NSUN6: variants seen among roughly 807,000 people sequenced by gnomAD.
NSUN6 encodes tRNA (cytosine(72)-C(5))-methyltransferase NSUN6.
Under a neutral mutation model 58.0 loss-of-function variants are expected in NSUN6, and 64 were observed. The observed-to-expected ratio is 1.10, with a 90% confidence interval of 0.90 to 1.36. The LOEUF (loss-of-function observed/expected upper bound fraction) is 1.36. NSUN6 is among the 40% of genes most tolerant of loss of function. The probability of loss-of-function intolerance (pLI) is 0.00; values close to 1 mark genes in which losing one functional copy is unlikely to be tolerated. For synonymous variants in NSUN6, 231 were observed against 193.9 expected (o/e 1.19, Z -1.59); for missense variants, 701 against 550.1 (o/e 1.27, Z -2.74).
intron 1 of NSUN6, among the ~76,000 whole-genome samples, chr10:18,649,783 C>T (rs901391451): frequency 6.6e-6 from 1 of 152,180 alleles, no homozygotes; most frequent in Non-Finnish European, 1.5e-5. Context: ...TATAAAACGA[C>T]GTTCTCCATT....
chr10:18,577,931 G>T (rs969743225), intron 8 of NSUN6, among the ~76,000 whole-genome samples: 14 of 152,292 alleles, frequency 9.2e-5, no homozygotes, highest in Admixed American at 9.2e-4. Flanking sequence ...ACAGCAGCAG[G>T]AGCCATACGC....
At chr10:18,601,627 G>C (rs933711076) in intron 6 of NSUN6, among the ~76,000 whole-genome samples, 1 of 152,126 alleles carries the variant, frequency 6.6e-6, no homozygotes, top group Non-Finnish European at 1.5e-5. Flanking sequence ...TTGGGGTTTG[G>C]GGTGAAGAAA....
At chr10:18,619,317 A>T (rs1472503832) in intron 3 of NSUN6, among the ~76,000 whole-genome samples, 2 of 152,210 alleles carry the variant, frequency 1.3e-5, no homozygotes, top group Non-Finnish European at 2.9e-5. Context: ...GACGGAGGGA[A>T]CTTACGGCTG....
At chr10:18,564,531 CCCATTCCATTGTCCATT>C (rs574207918) in intron 8 of NSUN6, among the ~76,000 whole-genome samples, 154 of 149,540 alleles carry the variant, frequency 1.0e-3, no homozygotes, top group African/African-American at 3.6e-3. Flanking sequence ...CATTCCATTC[CCCATTCCATTGTCCATT>C]CCATTCCATT....
chr10:18,578,568 T>A (rs186560709), intron 8 of NSUN6, among the ~76,000 whole-genome samples: 168 of 152,304 alleles, frequency 1.1e-3, no homozygotes, highest in African/African-American at 3.9e-3. Context: ...GGGCTCTCCG[T>A]TGCTTACAGC....
chr10:18,624,427 G>C (rs1564817165), intron 3 of NSUN6, among the ~76,000 whole-genome samples: 1 of 151,872 alleles, frequency 6.6e-6, no homozygotes, highest in Admixed American at 6.6e-5. Flanking sequence ...TATAATCCCA[G>C]CACTTTGGGA....
intron 7 of NSUN6, among the ~76,000 whole-genome samples, chr10:18,593,499 C>T (rs1301764831): frequency 2.6e-5 from 4 of 152,100 alleles, no homozygotes; most frequent in African/African-American, 9.7e-5. Flanking sequence ...AAATGTGGCA[C>T]ATAGACACCA....
At chr10:18,658,248 T>A (rs189468302), upstream of NSUN6, 1 of 152,366 alleles carries the variant, frequency 6.6e-6, no homozygotes, top group East Asian at 1.9e-4. Context: ...GAGCATATTA[T>A]CCTGCATCTA....
At chr10:18,556,296 C>T (rs201253621) in intron 8 of NSUN6, among the ~76,000 whole-genome samples, 1 of 74,584 alleles carries the variant, frequency 1.3e-5, no homozygotes, top group Non-Finnish European at 2.9e-5. Context: ...GAATGGAATG[C>T]ACAGTGGAAT....
intron 3 of NSUN6, among the ~76,000 whole-genome samples, chr10:18,641,834 T>TA (rs2059399440): frequency 6.6e-6 from 1 of 152,106 alleles, no homozygotes; most frequent in Non-Finnish European, 1.5e-5. Flanking sequence ...TTTGAGAGGC[T>TA]AAGGTGGGAG....
intron 8 of NSUN6, among the ~76,000 whole-genome samples, chr10:18,556,300 G>GTGGAATGCAATGGAGAA (rs1179171287): frequency 7.2e-5 from 5 of 69,290 alleles, no homozygotes; most frequent in African/African-American, 9.9e-5. Flanking sequence ...GGAATGCACA[G>GTGGAATGCAATGGAGAA]TGGAATGCAA....
intron 8 of NSUN6, among the ~76,000 whole-genome samples, chr10:18,562,673 TGGAATGGAATGCAGAATAGAGAAC>T (rs1172663797): frequency 7.2e-6 from 1 of 139,572 alleles, no homozygotes; most frequent in East Asian, 2.2e-4. Context: ...GGAAGGAGAA[TGGAATGGAATGCAGAATAGAGAAC>T]GGAATGGAAT....
chr10:18,615,957 A>T (rs1379979311), intron 4 of NSUN6, among the ~76,000 whole-genome samples: 1 of 151,850 alleles, frequency 6.6e-6, no homozygotes, highest in African/African-American at 2.4e-5. Flanking sequence ...AACAACCATC[A>T]TCAAATACAT....
At chr10:18,659,046 G>C (rs1213457851), upstream of NSUN6, 1 of 152,400 alleles carries the variant, frequency 6.6e-6, no homozygotes, top group Non-Finnish European at 1.5e-5. Context: ...CTCACTTAGA[G>C]AACCTATGGT....
intron 8 of NSUN6, among the ~76,000 whole-genome samples, chr10:18,554,479 A>G (rs1169750544): frequency 6.6e-6 from 1 of 151,300 alleles, no homozygotes; most frequent in Admixed American, 6.6e-5. Flanking sequence ...TGGAGTGGAG[A>G]ATGGAATGAA....
At chr10:18,546,425 A>G (rs10828879) in intron 10 of NSUN6, among the ~76,000 whole-genome samples, 112,358 of 152,096 alleles carry the variant, frequency 0.74, 41,723 homozygotes, top group East Asian at 0.97. Flanking sequence ...AGTTGGAAAC[A>G]AGTGGACTCA....
At chr10:18,627,578 G>GCGA (rs1239156468) in intron 3 of NSUN6, among the ~76,000 whole-genome samples, 1 of 152,210 alleles carries the variant, frequency 6.6e-6, no homozygotes, top group Non-Finnish European at 1.5e-5. Context: ...CCAAAGCAGG[G>GCGA]CGAGGCATTG....
intron 8 of NSUN6, among the ~76,000 whole-genome samples, chr10:18,563,261 G>A (rs1248741722): frequency 1.3e-5 from 2 of 150,154 alleles, no homozygotes; most frequent in Non-Finnish European, 3.0e-5. Context: ...AATGGAGAAT[G>A]GAAGGGAAGG....
intron 8 of NSUN6, among the ~76,000 whole-genome samples, chr10:18,574,321 T>C (rs989487357): frequency 6.6e-6 from 1 of 152,170 alleles, no homozygotes; most frequent in Non-Finnish European, 1.5e-5. Flanking sequence ...GATGGCTTAC[T>C]GACTCGAGAA....
Sources: allele counts gnomAD v4.1 joint callset (sites outside exome capture counted in the v4.1 genomes callset), GRCh38; gene constraint gnomAD v4.1.1; transcripts MANE v1.5; gene names NCBI Gene and HGNC (gene_info 2026-07-23, HGNC 2026-07-21).